ATP1A3: variants seen among roughly 807,000 people sequenced by gnomAD.
ATP1A3 encodes the protein sodium/potassium-transporting ATPase subunit alpha-3.
In ATP1A3, 12 loss-of-function variants were observed where a neutral mutation model predicts 108.8. The ratio of observed to expected loss-of-function variants is 0.11; its 90% CI spans 0.07 to 0.18. The LOEUF (loss-of-function observed/expected upper bound fraction) is 0.18. Among genes scored for constraint, ATP1A3 ranks in the 10% least tolerant of loss-of-function variants. The pLI is 1.00. For missense variants in ATP1A3, 498 were observed against 1,387.7 expected, an observed-to-expected ratio of 0.36 and a Z score of 10.19; for synonymous variants, 539 against 564.5, an observed-to-expected ratio of 0.95 and a Z score of 0.64.
intron 1 of ATP1A3, among the ~76,000 whole-genome samples, chr19:41,989,833 C>T (rs895080521): frequency 1.3e-5 from 2 of 151,946 alleles, no homozygotes; most frequent in South Asian, 4.1e-4. Context: ...CTCTCTCTAT[C>T]GCTCTGATCT....
chr19:41,966,727 A>G lies in ATP1A3; in HGVS notation c.*210T>C. 2.6e-6 allele frequency: 4 copies of G among 1,534,806 alleles called. No homozygotes were observed. The highest frequency in any genetic ancestry group is 3.5e-6 in the Non-Finnish European group (4 of 1,136,854). ...GGGGTGAGGAGAGGGAGAGAAACTGACACAGAAAAGAGAGAGGAGAGAGGT... is the reference window on the plus strand; with the variant it reads ...GGGGTGAGGAGAGGGAGAGAAACTGGCACAGAAAAGAGAGAGGAGAGAGGT... On this transcript the variant is annotated 3_prime_UTR_variant, in exon 23 of 23. Transcript: ENST00000648268.
In ATP1A3 at chr19:41,994,174, G is replaced by GCA; in HGVS notation, c.-99_-98insTG. On this transcript the variant is annotated 5_prime_UTR_variant, in exon 1 of 23. Coordinates refer to ENST00000648268, the MANE Select transcript of ATP1A3 (RefSeq NM_152296.5). ...GGCTGGGAGCCTCTGCAGCGCCCGC[G>GCA]CCTCGGTAGGTGCGCGCGTCCGTCC... is the stretch of plus-strand genomic sequence containing the variant. 8.3e-7 allele frequency: 1 copy of GCA among 1,208,582 alleles called. No individual in the cohort carries two copies. Among genetic ancestry groups the GCA allele is most frequent in the Non-Finnish European group, 1.1e-6 (1 of 902,880 alleles). 74.9% of individuals were successfully genotyped at this position (1,208,582 alleles called of 1,614,324 possible). A position where few individuals can be genotyped will look rare whatever the true frequency, so the allele number is the denominator to read the frequency against.
chr19:41,971,883 C>T (rs540509708), intron 16 of ATP1A3, among the ~76,000 whole-genome samples: 10 of 152,166 alleles, frequency 6.6e-5, no homozygotes, highest in Admixed American at 4.6e-4. Flanking sequence ...ATATAATATG[C>T]CCAACTCACT....
chr19:41,993,976 G>A, intron 1 of ATP1A3, 95 bp downstream of exon 1: 3 of 1,571,168 alleles, frequency 1.9e-6, no homozygotes, highest in Non-Finnish European at 8.6e-7. Flanking sequence ...GCCCCGGAGC[G>A]CAGGGGTCCC....
In ATP1A3 at chr19:41,967,717, C is replaced by A; in HGVS notation, c.2866G>T (p.Ala956Ser). 1.2e-6 allele frequency: 2 copies of A among 1,614,012 alleles called. No individual in the cohort carries two copies. The highest frequency in any genetic ancestry group is 8.5e-7 in the Non-Finnish European group (1 of 1,179,980). The part of the protein sequence containing the change: ...FGLFEETALA[A>S]FLSYCPGMDV... ...ATGCCGGGGCAGTAGGACAGGAAGG[C>A]AGCCAGGGCCGTCTCCTCAAACAGC... Residue 956 changes from alanine to serine, a missense_variant, in exon 21 of 23, where the codon GCC becomes TCC. By Grantham distance (99) the Ala-to-Ser change is moderately conservative (BLOSUM62 1). Transcript: ENST00000648268. The surrounding 1 kb of genome is among the most constrained non-coding windows in gnomAD (Gnocchi z 4.2).
chr19:41,988,543 T>C lies in ATP1A3; in HGVS notation c.26A>G (p.Asp9Gly), dbSNP rs782065058. The C allele has an allele frequency of 4.3e-6, 7 of 1,613,906 alleles. No individual in the cohort carries two copies. The South Asian group carries it at 4.4e-5, about 10-fold the overall frequency. The stretch of plus-strand genomic sequence containing the variant: ...CTTGCCCTTGTTCTTCTTGGGTGAG[T>C]CCTTGTCATCTTTCTTGTCCTGCGA... MGDKKDDK[D>G]SPKKNKGKER... is the part of the protein sequence containing the mutation. Residue 9 changes from aspartate to glycine, a missense_variant, in exon 2 of 23, where the codon GAC (aspartate) becomes GGC (glycine). Transcript: ENST00000648268. This position sits in a 1 kb window ranked among gnomAD's most constrained non-coding sequence, Gnocchi z 5.3.
rs1555863411 is a variant in ATP1A3 at position 41,981,650 on chromosome 19, G to C, written c.1303-14C>G. 6.2e-7 allele frequency: 1 copy of C among 1,614,194 alleles called. No homozygotes were observed. The highest frequency in any genetic ancestry group is 1.3e-5 in the African/African-American group (1 of 75,048). On this transcript the variant is annotated splice_polypyrimidine_tract_variant and intron_variant, in intron 10 of 22. Transcript: ENST00000648268. The surrounding 1 kb of genome is among the most constrained non-coding windows in gnomAD (Gnocchi z 5.0). The stretch of plus-strand genomic sequence containing the variant: ...AGCCACATCCCTCTGCAAGGAGAAA[G>C]GGTTGTCAGAACAGGGACAGCTGAG...
rs1436558341 is a variant in ATP1A3 at position 41,985,694 on chromosome 19, C to T, written c.606+170G>A. Among the ~76,000 whole-genome samples the T allele has an allele frequency of 1.3e-5, 2 of 151,836 alleles. No homozygotes were observed. Among genetic ancestry groups the T allele is most frequent in the African/African-American group, 4.8e-5 (2 of 41,314 alleles). ...CTGACTGTTGGGTGAGGAGGTGGCC[C>T]AGGGCCTAAACTCCTGGGTCTGAGG... On this transcript the variant is annotated intron_variant, in intron 6 of 22. Coordinates refer to ENST00000648268, the MANE Select transcript of ATP1A3 (RefSeq NM_152296.5). This position sits in a 1 kb window ranked among gnomAD's most constrained non-coding sequence, Gnocchi z 8.2.
In ATP1A3 at chr19:41,968,856, G is replaced by A. The variant is rs782390447; in HGVS notation, c.2748C>T (p.Ile916=). The A allele has an allele frequency of 9.9e-6, 16 of 1,614,012 alleles. No homozygotes were observed. The highest frequency in any genetic ancestry group is 2.2e-5 in the East Asian group (1 of 44,892). The change falls in exon 20 of 23, where the codon ATC becomes ATT. Residue 916 remains isoleucine, a synonymous_variant. Transcript: ENST00000648268. The surrounding 1 kb of genome is among the most constrained non-coding windows in gnomAD (Gnocchi z 5.0). ...FTCHTAFFVS[I]VVVQWADLII... Reference sequence around the variant, plus strand: ...TCAGATCGGCCCACTGGACGACAACGATGCTCACAAAGAAGGCCGTGTGGC... The same window carrying A: ...TCAGATCGGCCCACTGGACGACAACAATGCTCACAAAGAAGGCCGTGTGGC...
At chr19:41,983,717 A>C (rs1555864274) in intron 8 of ATP1A3, among the ~76,000 whole-genome samples, 3 of 148,172 alleles carry the variant, frequency 2.0e-5, no homozygotes. Flanking sequence ...AGCCTCCCAA[A>C]TAGCTGGAAC....
intron 8 of ATP1A3, among the ~76,000 whole-genome samples, chr19:41,983,314 G>A (rs1555864120): frequency 6.6e-6 from 1 of 151,922 alleles, no homozygotes; most frequent in South Asian, 2.1e-4. Flanking sequence ...CTGACCTCAA[G>A]TGATCCACCC....
In ATP1A3 at chr19:41,981,245, C is replaced by T. The variant is rs539288330; in HGVS notation, c.1437+257G>A. 1.3e-5 allele frequency among the ~76,000 whole-genome samples: 2 copies of T among 152,088 alleles called. No homozygotes were observed. The highest frequency in any genetic ancestry group is 4.8e-5 in the African/African-American group (2 of 41,484). ...AACTCCTGGCCTCAAGTGATCCCCC[C>T]ACCTCAGCCTCCCAAAGTTCTGGTG... is the stretch of plus-strand genomic sequence containing the variant. On this transcript the variant is annotated intron_variant, in intron 11 of 22. Coordinates refer to ENST00000648268, the MANE Select transcript of ATP1A3 (RefSeq NM_152296.5). This position sits in a 1 kb window ranked among gnomAD's most constrained non-coding sequence, Gnocchi z 5.0.
chr19:41,979,417 C>T (rs961591724), intron 11 of ATP1A3, among the ~76,000 whole-genome samples: 3 of 152,140 alleles, frequency 2.0e-5, no homozygotes, highest in South Asian at 2.1e-4. Flanking sequence ...CAGGCTCATG[C>T]GATCCTCCCG....
Position 41,983,589 on chromosome 19 carries a change from ATTATTATTATAATAATT to A in ATP1A3, c.993+1312_993+1328del, listed in dbSNP as rs2075256609. ...ATTTTTAAAAATAATAATAATAATT[ATTATTATTATAATAATT>A]ATTATTATTATTATTTTCTTGAGAT... On this transcript the variant is annotated intron_variant, in intron 8 of 22. Coordinates refer to ENST00000648268, the MANE Select transcript of ATP1A3 (RefSeq NM_152296.5). Among the ~76,000 whole-genome samples the A allele has an allele frequency of 2.1e-5, 3 of 145,150 alleles. No individual in the cohort carries two copies. In the East Asian group the frequency reaches 6.1e-4, roughly 29 times the overall value.
rs529241207 is a variant in ATP1A3 at position 41,984,957 on chromosome 19, G to A, written c.954C>T (p.Ile318=). ...GCAGACCCTCTGGGACATTGGCCAC[G>A]ATGATGCCGATGAGGAAGATGACAG... is the stretch of plus-strand genomic sequence containing the variant. The part of the protein sequence containing the change: ...LEAVIFLIGI[I]VANVPEGLLA... Residue 318 remains isoleucine, a synonymous_variant, in exon 8 of 23, where the codon ATC becomes ATT. Transcript: ENST00000648268. The A allele has an allele frequency of 2.5e-6, 4 of 1,613,906 alleles. No homozygotes were observed. The highest frequency in any genetic ancestry group is 2.5e-6 in the Non-Finnish European group (3 of 1,179,922).
chr19:41,984,137 C>T (rs1175969642), intron 8 of ATP1A3: 3 of 152,084 alleles, frequency 2.0e-5, no homozygotes, highest in Non-Finnish European at 4.4e-5. Context: ...AAACTCCTGA[C>T]CTCAAGCAGT....
Position 41,984,514 on chromosome 19 carries a change from G to T in ATP1A3, c.993+404C>A, listed in dbSNP as rs550857763. The T allele has an allele frequency of 3.6e-4, 74 of 203,066 alleles. No homozygotes were observed. In the Middle Eastern group the frequency reaches 0.015, roughly 42 times the overall value. The allele number at this position is 203,066 out of a possible 1,614,324, so 12.6% of individuals were successfully genotyped here. ...TGCTGGGATTACAGCGTGAGCCAGT[G>T]CACCCAGCCTCATTATTTTATTTTT... On this transcript the variant is annotated intron_variant, in intron 8 of 22. Transcript: ENST00000648268.
chr19:41,979,320 GTT>G (rs1161247972), intron 11 of ATP1A3, among the ~76,000 whole-genome samples: 2 of 136,682 alleles, frequency 1.5e-5, no homozygotes, highest in Admixed American at 7.3e-5. Flanking sequence ...CTCCCACCCT[GTT>G]TTTTTTTTTT....
chr19:41,973,231 G>A (rs1317221803), intron 16 of ATP1A3, among the ~76,000 whole-genome samples: 4 of 152,130 alleles, frequency 2.6e-5, no homozygotes, highest in African/African-American at 7.2e-5. Flanking sequence ...GGGTATATCT[G>A]GAATGCCCCC....
Sources: gnomAD v4.1 joint callset for allele counts (sites outside exome capture counted in the v4.1 genomes callset) on GRCh38, gnomAD v4.1.1 for gene constraint, Gnocchi (gnomAD v3.1) non-coding constraint, MANE v1.5 for transcripts, NCBI Gene and HGNC (gene_info 2026-07-23, HGNC 2026-07-21) for gene names.